Variants in CARMIL1 observed in about 807,000 individuals in gnomAD.
The protein encoded by CARMIL1 is capping protein regulator and myosin 1 linker 1, also known as F-actin-uncapping protein LRRC16A.
Under a neutral mutation model 177.1 loss-of-function variants are expected in CARMIL1, and 90 were observed. The ratio of observed to expected loss-of-function variants is 0.51; its 90% CI spans 0.43 to 0.61. CARMIL1 has a LOEUF of 0.61. Among genes scored for constraint, CARMIL1 ranks in the 20% least tolerant of loss-of-function variants. The pLI, the probability that CARMIL1 is intolerant of heterozygous loss-of-function variation, is 0.00. For synonymous variants in CARMIL1, 577 were observed against 606.2 expected (o/e 0.95, Z 0.71); for missense variants, 1,380 against 1,667.0 (o/e 0.83, Z 3.00).
intron 36 of CARMIL1, among the ~76,000 whole-genome samples, chr6:25,618,176 G>A (rs1455107187): frequency 6.6e-6 from 1 of 151,934 alleles, no homozygotes; most frequent in African/African-American, 2.4e-5. Context: ...TATTAGGTTT[G>A]CATTTTGACT....
At position 25,581,312 on chromosome 6, in the gene CARMIL1, C is replaced by T; in HGVS notation, c.2879C>T (p.Ser960Phe). ...CACATCGAAGACCCGCCCTTCCCAT[C>T]CCTCAGACAGGAGAAGCGGAGCTCG... ...PIHIEDPPFP[S>F]LRQEKRSSGF... is the part of the protein sequence containing the mutation. The change falls in exon 31 of 37, where the codon TCC becomes TTC. Residue 960 changes from serine (S) to phenylalanine (F), a missense_variant. Ser to Phe is a radical substitution (Grantham distance 155). Coordinates refer to ENST00000329474, the MANE Select transcript of CARMIL1 (RefSeq NM_017640.6). 6.2e-7 allele frequency: 1 copy of T among 1,613,012 alleles called. No homozygotes were observed. Among genetic ancestry groups the T allele is most frequent in the African/African-American group, 1.3e-5 (1 of 75,008 alleles).
intron 23 of CARMIL1, among the ~76,000 whole-genome samples, chr6:25,521,464 C>T (rs1234211163): frequency 2.0e-5 from 3 of 152,156 alleles, no homozygotes; most frequent in Non-Finnish European, 4.4e-5. Flanking sequence ...TTAAGGTCTG[C>T]AGTTACTTAT....
intron 8 of CARMIL1, among the ~76,000 whole-genome samples, chr6:25,459,210 T>TTTTCTTTCTTTCTTTCTTTCTGTCTTTC (rs1799798801): frequency 1.2e-5 from 1 of 80,136 alleles, no homozygotes; most frequent in Non-Finnish European, 2.5e-5. Context: ...GATCCCAACT[T>TTTTCTTTCTTTCTTTCTTTCTGTCTTTC]TTTCTTTCTT....
chr6:25,614,179 T>A (rs980521413), intron 36 of CARMIL1, among the ~76,000 whole-genome samples: 1 of 152,178 alleles, frequency 6.6e-6, no homozygotes, highest in African/African-American at 2.4e-5. Flanking sequence ...GAGCCTGCCT[T>A]CTCAGCCAGT....
chr6:25,601,062 A>G (rs771963931), intron 33 of CARMIL1, among the ~76,000 whole-genome samples: 1 of 151,998 alleles, frequency 6.6e-6, no homozygotes, highest in African/African-American at 2.4e-5. Flanking sequence ...GTAACCCCCA[A>G]TCTACTCCTT....
In CARMIL1 at chr6:25,435,508, G is replaced by A. The variant is rs753533329; in HGVS notation, c.275G>A (p.Ser92Asn). 3.2e-6 allele frequency: 5 copies of A among 1,551,684 alleles called. No individual in the cohort carries two copies. The African/African-American group carries it at 6.8e-5, about 21-fold the overall frequency. The change falls in exon 5 of 37, where the codon AGC becomes AAC. Residue 92 changes from serine (S) to asparagine (N), a missense_variant. Coordinates refer to ENST00000329474, the MANE Select transcript of CARMIL1 (RefSeq NM_017640.6). The stretch of plus-strand genomic sequence containing the variant: ...ATGATTGTGGAAACTGAGAAGTGCA[G>A]CATTTCCATGAAGATGGCGTCACCC... ...AQMIVETEKC[S>N]ISMKMASPED...
intron 2 of CARMIL1, among the ~76,000 whole-genome samples, chr6:25,393,183 A>G (rs1420694390): frequency 6.6e-6 from 1 of 152,202 alleles, no homozygotes; most frequent in Non-Finnish European, 1.5e-5. Flanking sequence ...AATTTCTGAA[A>G]TAGCAATGAT....
intron 2 of CARMIL1, among the ~76,000 whole-genome samples, chr6:25,330,688 T>TA (rs145205834): frequency 2.3e-3 from 334 of 142,596 alleles, no homozygotes; most frequent in African/African-American, 6.5e-3. Context: ...CCATCTCTAT[T>TA]AAAAAAAAAA....
At chr6:25,605,967 T>C (rs1435495030) in intron 34 of CARMIL1, 94 bp from the exon 35 acceptor site, 8 of 783,198 alleles carry the variant, frequency 1.0e-5, no homozygotes, top group Admixed American at 5.7e-5. Flanking sequence ...TGAGAAACGA[T>C]GGCAAATGAT....
chr6:25,488,447 G>A (rs1049100471), intron 12 of CARMIL1, 35 bp from the exon 13 acceptor site: 11 of 1,499,958 alleles, frequency 7.3e-6, no homozygotes, highest in South Asian at 3.4e-5. Flanking sequence ...GTTTCCTGGA[G>A]TGCAAACTGA....
At chr6:25,351,212 T>C (rs1417667799) in intron 2 of CARMIL1, among the ~76,000 whole-genome samples, 3 of 152,134 alleles carry the variant, frequency 2.0e-5, no homozygotes, top group Non-Finnish European at 4.4e-5. Flanking sequence ...TTCAAAGACC[T>C]ACTGTGAAAC....
At chr6:25,443,764 A>C in intron 5 of CARMIL1, among the ~76,000 whole-genome samples, 1 of 151,494 alleles carries the variant, frequency 6.6e-6, no homozygotes, top group Admixed American at 6.6e-5. Context: ...TGCTGTGACT[A>C]TCAGGGTGGT....
intron 23 of CARMIL1, 62 bp downstream of exon 23, chr6:25,520,399 G>A: frequency 2.2e-6 from 2 of 909,570 alleles, no homozygotes; most frequent in South Asian, 1.6e-5. Flanking sequence ...TTATGTTCCT[G>A]AACTTATAAA....
intron 26 of CARMIL1, among the ~76,000 whole-genome samples, chr6:25,545,959 A>G (rs1414851348): frequency 4.6e-5 from 7 of 152,164 alleles, no homozygotes; most frequent in African/African-American, 1.7e-4. Context: ...AGAGCCTGAA[A>G]ACTAATGAGC....
At chr6:25,417,675 G>C (rs979999673) in intron 2 of CARMIL1, among the ~76,000 whole-genome samples, 5 of 151,960 alleles carry the variant, frequency 3.3e-5, no homozygotes, top group Non-Finnish European at 7.4e-5. Flanking sequence ...AATATAGCCT[G>C]GTGGTTAAGA....
At chr6:25,502,368 C>A (rs538882204) in intron 17 of CARMIL1, among the ~76,000 whole-genome samples, 37 of 151,730 alleles carry the variant, frequency 2.4e-4, no homozygotes, top group African/African-American at 8.5e-4. Flanking sequence ...ACCAGCCTGG[C>A]CAAGATGGTG....
At chr6:25,419,340 T>C (rs2150686840) in intron 2 of CARMIL1, among the ~76,000 whole-genome samples, 2 of 152,302 alleles carry the variant, frequency 1.3e-5, no homozygotes, top group South Asian at 4.2e-4. Flanking sequence ...TCTTTCTTTA[T>C]TGAAAAGACT....
Position 25,279,508 on chromosome 6 carries a change from C to T in CARMIL1, c.-288C>T. 1 of 506,166 alleles carries T rather than the reference C, an allele frequency of 2.0e-6. No homozygotes were observed. 31.4% of individuals were successfully genotyped at this position (506,166 alleles called of 1,614,324 possible). On this transcript the variant is annotated 5_prime_UTR_variant, in exon 1 of 37. Coordinates refer to ENST00000329474, the MANE Select transcript of CARMIL1 (RefSeq NM_017640.6). ...GAGCAGGCGCCACAGCCGCCCCGCG[C>T]CCCGCGCCCGCTTGTAATCCGGTCC...
intron 26 of CARMIL1, among the ~76,000 whole-genome samples, chr6:25,548,150 C>T (rs1809700834): frequency 6.6e-6 from 1 of 152,158 alleles, no homozygotes; most frequent in Non-Finnish European, 1.5e-5. Flanking sequence ...CAGCATCTAC[C>T]AGATACTTCA....
Sources: gnomAD v4.1 joint callset for allele counts (sites outside exome capture counted in the v4.1 genomes callset) on GRCh38, gnomAD v4.1.1 for gene constraint, MANE v1.5 for transcripts, NCBI Gene and HGNC (gene_info 2026-07-23, HGNC 2026-07-21) for gene names.